KLHL1: variants seen among roughly 807,000 people sequenced by gnomAD.
The protein encoded by KLHL1 is kelch-like protein 1.
A neutral mutation model predicts 77.7 loss-of-function variants in KLHL1; 47 were observed. The observed-to-expected ratio is 0.60, with a 90% CI of 0.48 to 0.77. The LOEUF (loss-of-function observed/expected upper bound fraction) is 0.77. Ranked by LOEUF, KLHL1 falls within the 30% of genes least tolerant of loss-of-function variation. The pLI is 0.00. For synonymous variants in KLHL1, 360 were observed against 325.2 expected (o/e 1.11, Z -1.15); for missense variants, 925 against 910.8 (o/e 1.02, Z -0.20).
At chr13:69,743,323 G>A (rs937001877) in intron 7 of KLHL1, among the ~76,000 whole-genome samples, 14 of 152,130 alleles carry the variant, frequency 9.2e-5, no homozygotes, top group African/African-American at 3.4e-4. Flanking sequence ...GTAGGGAGAT[G>A]ATTAGAAGAA....
At chr13:70,025,904 G>A (rs1421290080) in intron 1 of KLHL1, among the ~76,000 whole-genome samples, 2 of 151,880 alleles carry the variant, frequency 1.3e-5, no homozygotes, top group African/African-American at 2.4e-5. Context: ...CAGTGGAAGC[G>A]CTAGAGCTAA....
At chr13:69,726,167 G>A (rs1162183210) in intron 8 of KLHL1, among the ~76,000 whole-genome samples, 2 of 152,140 alleles carry the variant, frequency 1.3e-5, no homozygotes, top group Non-Finnish European at 1.5e-5. Context: ...ATACTAGAAT[G>A]TTTTGCTAAG....
At chr13:69,852,705 C>G (rs1011028400) in intron 5 of KLHL1, among the ~76,000 whole-genome samples, 5 of 151,866 alleles carry the variant, frequency 3.3e-5, no homozygotes, top group African/African-American at 1.2e-4. Flanking sequence ...AAATAAGTTC[C>G]TGTGAAAACA....
intron 2 of KLHL1, 138 bp downstream of exon 2, chr13:69,975,482 A>AAAC (rs958375700): frequency 8.1e-6 from 6 of 739,202 alleles, no homozygotes; most frequent in Admixed American, 3.4e-5. Context: ...TAAACAAAAC[A>AAAC]AACAACAACA....
At chr13:70,078,501 G>A (rs1887315495) in intron 1 of KLHL1, among the ~76,000 whole-genome samples, 1 of 151,946 alleles carries the variant, frequency 6.6e-6, no homozygotes, top group South Asian at 2.1e-4. Flanking sequence ...TATGAACTTG[G>A]AGTTATTTGA....
intron 7 of KLHL1, among the ~76,000 whole-genome samples, chr13:69,784,441 T>A (rs1876402946): frequency 6.6e-6 from 1 of 152,024 alleles, no homozygotes; most frequent in Non-Finnish European, 1.5e-5. Flanking sequence ...AGGAAACCCA[T>A]CTCATGTGCA....
intron 3 of KLHL1, among the ~76,000 whole-genome samples, chr13:69,943,352 T>C (rs1228319839): frequency 6.6e-6 from 1 of 152,078 alleles, no homozygotes; most frequent in African/African-American, 2.4e-5. Flanking sequence ...TTTATGACTT[T>C]CACTGAAAGT....
chr13:70,037,888 T>A (rs185189262), intron 1 of KLHL1, among the ~76,000 whole-genome samples: 1 of 152,188 alleles, frequency 6.6e-6, no homozygotes, highest in Non-Finnish European at 1.5e-5. Context: ...CTTCATTATA[T>A]GTATAATTCC....
intron 7 of KLHL1, among the ~76,000 whole-genome samples, chr13:69,786,817 T>A (rs918334618): frequency 6.6e-6 from 1 of 152,134 alleles, no homozygotes; most frequent in African/African-American, 2.4e-5. Flanking sequence ...AGTCTCAGGA[T>A]ACAAAATCAA....
intron 1 of KLHL1, among the ~76,000 whole-genome samples, chr13:70,081,562 T>C (rs918407708): frequency 1.3e-5 from 2 of 152,224 alleles, no homozygotes; most frequent in African/African-American, 4.8e-5. Flanking sequence ...ATCCATGCCA[T>C]GGAGATCTCT....
intron 1 of KLHL1, among the ~76,000 whole-genome samples, chr13:70,007,629 CT>C (rs1327446680): frequency 6.6e-6 from 1 of 152,054 alleles, no homozygotes; most frequent in African/African-American, 2.4e-5. Flanking sequence ...GAAATAGGAT[CT>C]GTCTTTACCT....
intron 7 of KLHL1, among the ~76,000 whole-genome samples, chr13:69,755,366 C>G (rs1874662807): frequency 6.6e-6 from 1 of 151,978 alleles, no homozygotes; most frequent in Non-Finnish European, 1.5e-5. Context: ...CATCATGCTT[C>G]CTGTACAGCC....
intron 2 of KLHL1, among the ~76,000 whole-genome samples, chr13:69,966,166 A>G (rs1884205363): frequency 6.6e-6 from 1 of 152,204 alleles, no homozygotes; most frequent in Non-Finnish European, 1.5e-5. Context: ...CCATATATAT[A>G]AAGAAGATGT....
chr13:69,779,596 TGA>T (rs1185888028), intron 7 of KLHL1, among the ~76,000 whole-genome samples: 1 of 151,896 alleles, frequency 6.6e-6, no homozygotes, highest in African/African-American at 2.4e-5. Flanking sequence ...ACTGATAAAA[TGA>T]GAGAAAATGA....
chr13:69,878,235 A>G (rs2138188664), intron 5 of KLHL1, among the ~76,000 whole-genome samples: 1 of 151,984 alleles, frequency 6.6e-6, no homozygotes, highest in East Asian at 1.9e-4. Context: ...CTATCCTGGA[A>G]ACATCTGTTT....
chr13:69,848,784 G>A (rs996664646), intron 5 of KLHL1, among the ~76,000 whole-genome samples: 4 of 151,412 alleles, frequency 2.6e-5, no homozygotes, highest in Admixed American at 2.0e-4. Flanking sequence ...ATAGTTGATT[G>A]CCTTAACATG....
chr13:69,917,635 C>T (rs1882489961), intron 4 of KLHL1, among the ~76,000 whole-genome samples: 2 of 152,120 alleles, frequency 1.3e-5, no homozygotes, highest in Non-Finnish European at 2.9e-5. Context: ...CACACAAACA[C>T]ATGAGCATAT....
chr13:69,905,378 C>A (rs1038960908), intron 4 of KLHL1, among the ~76,000 whole-genome samples: 1 of 151,962 alleles, frequency 6.6e-6, no homozygotes, highest in South Asian at 2.1e-4. Context: ...TTGGGGTGTT[C>A]TTTCTTCTGT....
chr13:69,922,535 T>G (rs1047780303), intron 4 of KLHL1, among the ~76,000 whole-genome samples: 30 of 152,334 alleles, frequency 2.0e-4, no homozygotes, highest in African/African-American at 7.0e-4. Flanking sequence ...GAAATAGATT[T>G]AATTAGATTT....
Sources: gnomAD v4.1 joint callset for allele counts (sites outside exome capture counted in the v4.1 genomes callset) on GRCh38, gnomAD v4.1.1 for gene constraint, MANE v1.5 for transcripts, NCBI Gene and HGNC (gene_info 2026-07-23, HGNC 2026-07-21) for gene names.